The following AGMO variants were observed in gnomAD, a reference collection of about 807,000 sequenced individuals.
AGMO encodes glyceryl-ether monooxygenase.
Under a neutral mutation model 60.2 loss-of-function variants are expected in AGMO, and 75 were observed. The ratio of observed to expected loss-of-function variants is 1.25; its 90% CI spans 1.03 to 1.51. The LOEUF (loss-of-function observed/expected upper bound fraction) is 1.51, where lower values mean the gene tolerates loss of function less well. AGMO is among the 40% of genes most tolerant of loss of function. AGMO has a pLI of 0.00. For missense variants in AGMO, 763 were observed against 525.5 expected (o/e 1.45, Z -4.42); for synonymous variants, 261 against 177.1 (o/e 1.47, Z -3.76).
At chr7:15,523,655 G>C (rs1241372407) in intron 3 of AGMO, among the ~76,000 whole-genome samples, 1 of 152,058 alleles carries the variant, frequency 6.6e-6, no homozygotes, top group East Asian at 1.9e-4. Context: ...GCATAGGAAG[G>C]GGAACATCAG....
chr7:15,475,946 A>T (rs1160827419), intron 3 of AGMO, among the ~76,000 whole-genome samples: 1 of 152,090 alleles, frequency 6.6e-6, no homozygotes, highest in African/African-American at 2.4e-5. Flanking sequence ...CATAGGGTAG[A>T]AATGCTTCCA....
chr7:15,509,280 G>A (rs1227253689), intron 3 of AGMO, among the ~76,000 whole-genome samples: 3 of 151,788 alleles, frequency 2.0e-5, no homozygotes, highest in African/African-American at 4.8e-5. Flanking sequence ...AGCATATATG[G>A]TTAACTAATT....
chr7:15,184,260 G>A, the AGMO span, among the ~76,000 whole-genome samples: 1 of 146,822 alleles, frequency 6.8e-6, no homozygotes, highest in Non-Finnish European at 1.5e-5. Context: ...AGGGAGGGAG[G>A]GAGAAAGGGA....
At chr7:15,236,604 A>AT (rs1347911337) in intron 12 of AGMO, among the ~76,000 whole-genome samples, 1 of 152,140 alleles carries the variant, frequency 6.6e-6, no homozygotes, top group Non-Finnish European at 1.5e-5. Context: ...GTAAATTAAT[A>AT]GCTTAAACAG....
At chr7:15,213,390 C>A (rs1563037720) in intron 12 of AGMO, among the ~76,000 whole-genome samples, 1 of 151,504 alleles carries the variant, frequency 6.6e-6, no homozygotes, top group Non-Finnish European at 1.5e-5. Context: ...TCTCCAAGAT[C>A]TATTATCAGT....
At chr7:15,405,494 C>G (rs776566574) in intron 5 of AGMO, among the ~76,000 whole-genome samples, 4 of 151,892 alleles carry the variant, frequency 2.6e-5, no homozygotes, top group Non-Finnish European at 5.9e-5. Context: ...AGGGAGCAAT[C>G]ATTCTGTATC....
chr7:15,223,600 G>A (rs1039640813), intron 12 of AGMO, among the ~76,000 whole-genome samples: 1 of 151,792 alleles, frequency 6.6e-6, no homozygotes, highest in African/African-American at 2.4e-5. Flanking sequence ...GGCTAGACAG[G>A]ACAGAATTTA....
the AGMO span, among the ~76,000 whole-genome samples, chr7:15,143,425 A>G: frequency 6.6e-6 from 1 of 152,130 alleles, no homozygotes; most frequent in African/African-American, 2.4e-5. Context: ...ATCCCTTCTC[A>G]AATTCCTTCC....
the AGMO span, among the ~76,000 whole-genome samples, chr7:15,119,387 T>C: frequency 5.6e-4 from 85 of 152,226 alleles, no homozygotes; most frequent in African/African-American, 1.9e-3. Flanking sequence ...TGGGTGTTTC[T>C]TTATACCAGT....
chr7:15,297,770 T>C (rs537634410), intron 12 of AGMO, among the ~76,000 whole-genome samples: 19 of 152,076 alleles, frequency 1.2e-4, no homozygotes, highest in Admixed American at 2.0e-4. Flanking sequence ...TTGTCATATA[T>C]GGAAAGAGAA....
chr7:15,319,454 T>A (rs529490294), intron 12 of AGMO, among the ~76,000 whole-genome samples: 1 of 152,226 alleles, frequency 6.6e-6, no homozygotes, highest in East Asian at 1.9e-4. Flanking sequence ...TACCCTAGGA[T>A]AAGGATATGA....
At position 15,220,726 on chromosome 7, in the gene AGMO, C is replaced by T. The variant is rs190980539; in HGVS notation, c.1264-19367G>A. Among the ~76,000 whole-genome samples, 23 of 151,630 alleles carry T rather than the reference C, an allele frequency of 1.5e-4. No homozygotes were observed. In the South Asian group the frequency reaches 3.3e-3, roughly 22 times the overall value. Reference sequence around the variant, plus strand: ...TTTCAAAACCATTTAAATTTAGAACCGATTGTAAAACCAAGCCCAGAACTG... The same window carrying T: ...TTTCAAAACCATTTAAATTTAGAACTGATTGTAAAACCAAGCCCAGAACTG... On this transcript the variant is annotated intron_variant, in intron 12 of 12. Transcript: ENST00000342526.
intron 12 of AGMO, among the ~76,000 whole-genome samples, chr7:15,343,209 C>G (rs1428131120): frequency 6.6e-6 from 1 of 152,168 alleles, no homozygotes; most frequent in South Asian, 2.1e-4. Flanking sequence ...ATGATCAATT[C>G]TTTTTATTAT....
intron 12 of AGMO, among the ~76,000 whole-genome samples, chr7:15,360,749 C>T (rs546345197): frequency 1.3e-5 from 2 of 152,040 alleles, no homozygotes; most frequent in African/African-American, 4.8e-5. Flanking sequence ...TGCATTCAAA[C>T]CCTTGTTGTT....
chr7:15,555,022 A>G (rs1011522554), intron 2 of AGMO, among the ~76,000 whole-genome samples: 4 of 151,924 alleles, frequency 2.6e-5, no homozygotes, highest in Admixed American at 1.3e-4. Context: ...CTCCTAAGAG[A>G]GCAAGTTTCA....
At chr7:15,157,156 G>C in the AGMO span, among the ~76,000 whole-genome samples, 1 of 151,946 alleles carries the variant, frequency 6.6e-6, no homozygotes, top group East Asian at 1.9e-4. Context: ...CTGACAGTCT[G>C]GCAAAAAAAC....
the AGMO span, among the ~76,000 whole-genome samples, chr7:15,172,933 C>A: frequency 1.3e-5 from 2 of 152,106 alleles, no homozygotes; most frequent in Non-Finnish European, 2.9e-5. Flanking sequence ...GTGATAGGCA[C>A]AAATAACTTA....
At chr7:15,437,076 G>C (rs189991308) in intron 3 of AGMO, among the ~76,000 whole-genome samples, 92 of 152,092 alleles carry the variant, frequency 6.0e-4, no homozygotes, top group African/African-American at 2.2e-3. Flanking sequence ...TAAATAAATT[G>C]AGCTAAGTAA....
chr7:15,527,098 A>G (rs1328722586), intron 3 of AGMO, among the ~76,000 whole-genome samples: 27 of 152,074 alleles, frequency 1.8e-4, no homozygotes, highest in Admixed American at 1.8e-3. Context: ...AATCACCTCT[A>G]AGTGTTCAAG....
Sources: gnomAD v4.1 joint callset for allele counts (sites outside exome capture counted in the v4.1 genomes callset) on GRCh38, gnomAD v4.1.1 for gene constraint, MANE v1.5 for transcripts, NCBI Gene and HGNC (gene_info 2026-07-23, HGNC 2026-07-21) for gene names.